The following TMEM26 variants were observed in gnomAD, a reference collection of about 807,000 sequenced individuals.
TMEM26 encodes the protein transmembrane protein 26.
Under a neutral mutation model 28.8 loss-of-function variants are expected in TMEM26, and 38 were observed. That is an observed-to-expected ratio of 1.32 (90% CI 1.02 to 1.73). TMEM26 has a LOEUF of 1.73. Among genes scored for constraint, TMEM26 ranks in the 40% most tolerant of loss-of-function variants. The pLI, the probability that TMEM26 is intolerant of heterozygous loss-of-function variation, is 0.00. For missense variants in TMEM26, 518 were observed against 447.1 expected (o/e 1.16, Z -1.43); for synonymous variants, 227 against 182.9 (o/e 1.24, Z -1.95).
chr10:61,409,351 C>G lies in TMEM26; in HGVS notation c.*971G>C, dbSNP rs12772295. On this transcript the variant is annotated 3_prime_UTR_variant, in exon 6 of 6. Transcript: ENST00000399298. ...TGATGCAACCCTCCATCACCATGTT[C>G]CCTGAGAGCAAAGGCCACTTCCAGT... 3.9e-5 allele frequency: 6 copies of G among 152,214 alleles called. No individual in the cohort carries two copies. Among genetic ancestry groups the G allele is most frequent in the Non-Finnish European group, 8.8e-5 (6 of 68,072 alleles). The allele number at this position is 152,214 out of a possible 1,614,324, so 9.4% of individuals were successfully genotyped here.
At chr10:61,422,819 T>A (rs1839770867) in intron 4 of TMEM26, among the ~76,000 whole-genome samples, 1 of 151,718 alleles carries the variant, frequency 6.6e-6, no homozygotes, top group Admixed American at 6.6e-5. Context: ...AAATTAAACA[T>A]CAGAACAGAA....
intron 1 of TMEM26, among the ~76,000 whole-genome samples, chr10:61,438,604 T>G (rs1414531628): frequency 6.6e-6 from 1 of 152,220 alleles, no homozygotes. Context: ...TAACATCTTC[T>G]ATGCATAACA....
intron 1 of TMEM26, among the ~76,000 whole-genome samples, chr10:61,451,675 A>G (rs1840282970): frequency 6.6e-6 from 1 of 152,178 alleles, no homozygotes; most frequent in African/African-American, 2.4e-5. Flanking sequence ...AGGTGGAGCC[A>G]GGGGTAGTCA....
Position 61,410,048 on chromosome 10 carries a change from T to C in TMEM26, c.*274A>G, listed in dbSNP as rs185473174. 1.9e-3 allele frequency: 825 copies of C among 435,796 alleles called. 4 individuals are homozygous for C. Among genetic ancestry groups the C allele is most frequent in the Non-Finnish European group, 2.8e-3 (691 of 243,726 alleles). 27.0% of individuals were successfully genotyped at this position (435,796 alleles called of 1,614,324 possible). ...GGGCATGTCACTGTAACCTCTTCCA[T>C]AGCTTTTCAAACAGTTCAAGACAAA... On this transcript the variant is annotated 3_prime_UTR_variant, in exon 6 of 6. Transcript: ENST00000399298.
At chr10:61,415,969 GC>G (rs932648389) in intron 4 of TMEM26, 2 of 373,662 alleles carry the variant, frequency 5.4e-6, no homozygotes, top group African/African-American at 4.3e-5. Context: ...ACTTGAGATG[GC>G]CAATTCAGGC....
Position 61,410,699 on chromosome 10 carries a change from T to C in TMEM26, c.730A>G (p.Ser244Gly), listed in dbSNP as rs763701429. ...PVSVTERGFP[S>G]LFFCQYSADL... is the part of the protein sequence containing the mutation. ...GCACTGTACTGGCAAAAGAACAGGC[T>C]GGGGAATCCCCTCTCTGTCACAGAC... The change falls in exon 6 of 6, where the codon AGC becomes GGC. Residue 244 changes from serine to glycine, a missense_variant. By Grantham distance (56) the Ser-to-Gly change is moderately conservative. Transcript: ENST00000399298. The C allele has an allele frequency of 4.3e-6, 7 of 1,614,050 alleles. No individual in the cohort carries two copies. In the Admixed American group the frequency reaches 8.3e-5, roughly 19 times the overall value.
rs1027600856 is a variant in TMEM26, at chr10:61,407,157, T to C, written c.*3165A>G. ...TGGTTAAGAATTATCAAGAATTAAA[T>C]ACCAAACATTATTACATTCAACTCT... On this transcript the variant is annotated 3_prime_UTR_variant, in exon 6 of 6. Coordinates refer to ENST00000399298, the MANE Select transcript of TMEM26 (RefSeq NM_178505.8). 3.3e-5 allele frequency: 5 copies of C among 152,172 alleles called. No homozygotes were observed. The highest frequency in any genetic ancestry group is 4.8e-5 in the African/African-American group (2 of 41,446). The allele number at this position is 152,172 out of a possible 1,614,324, so 9.4% of individuals were successfully genotyped here.
chr10:61,432,439 G>C (rs1450708270), intron 2 of TMEM26, among the ~76,000 whole-genome samples: 2 of 152,032 alleles, frequency 1.3e-5, no homozygotes, highest in African/African-American at 4.8e-5. Context: ...GGTAAAGTAA[G>C]AAAAGGAAAA....
intron 1 of TMEM26, among the ~76,000 whole-genome samples, chr10:61,446,796 C>A (rs374124891): frequency 9.5e-4 from 109 of 114,546 alleles, no homozygotes; most frequent in African/African-American, 3.2e-3. Context: ...TCCAGCCTGG[C>A]GACAGAGCGA....
chr10:61,444,695 C>G (rs1373141526), intron 1 of TMEM26, among the ~76,000 whole-genome samples: 1 of 149,930 alleles, frequency 6.7e-6, no homozygotes, highest in Non-Finnish European at 1.5e-5. Context: ...TTGACCCTTT[C>G]TCTACTACAG....
chr10:61,415,971 C>T (rs1342580616), intron 4 of TMEM26: 2 of 371,018 alleles, frequency 5.4e-6, no homozygotes, highest in African/African-American at 4.3e-5. Flanking sequence ...TTGAGATGGC[C>T]AATTCAGGCT....
At chr10:61,426,131 T>C (rs747210362) in intron 4 of TMEM26, among the ~76,000 whole-genome samples, 5 of 152,060 alleles carry the variant, frequency 3.3e-5, no homozygotes, top group Non-Finnish European at 7.4e-5. Context: ...TGAAACAACA[T>C]GGATGAATCC....
rs746007656 is a variant in TMEM26 at position 61,413,509 on chromosome 10, A to T, written c.632T>A (p.Ile211Asn). ...VRNSPALVYA[I>N]LVIWTWSMLQ... ...CATGCTCCAAGTCCATATAACAAGG[A>T]TGGCATAGACTAGTGCAGGACTATT... The change falls in exon 5 of 6, where the codon ATC becomes AAC. Residue 211 changes from isoleucine to asparagine, a missense_variant. Coordinates refer to ENST00000399298, the MANE Select transcript of TMEM26 (RefSeq NM_178505.8). 82 of 1,612,952 alleles carry T rather than the reference A, an allele frequency of 5.1e-5. No homozygotes were observed. The highest frequency in any genetic ancestry group is 6.7e-5 in the Admixed American group (4 of 59,916).
intron 1 of TMEM26, among the ~76,000 whole-genome samples, chr10:61,437,279 G>T (rs1438366796): frequency 6.6e-6 from 1 of 152,088 alleles, no homozygotes; most frequent in Non-Finnish European, 1.5e-5. Flanking sequence ...TTTGGGGTTA[G>T]GACTTCAGTC....
intron 1 of TMEM26, among the ~76,000 whole-genome samples, chr10:61,445,229 A>AT (rs1359273554): frequency 6.6e-5 from 10 of 152,206 alleles, no homozygotes; most frequent in Non-Finnish European, 1.2e-4. Context: ...CATCACTAGT[A>AT]TTAAGAGACT....
chr10:61,429,562 C>T (rs985832311), intron 3 of TMEM26, among the ~76,000 whole-genome samples: 2 of 151,912 alleles, frequency 1.3e-5, no homozygotes, highest in Non-Finnish European at 2.9e-5. Context: ...TCTGAATGTA[C>T]TAATCTTGAA....
chr10:61,423,205 T>TA (rs1232410218), intron 4 of TMEM26, among the ~76,000 whole-genome samples: 9 of 152,246 alleles, frequency 5.9e-5, no homozygotes, highest in African/African-American at 1.4e-4. Context: ...ATTGATAATT[T>TA]AAAAAATCTT....
At chr10:61,433,683 T>A (rs1260077532) in intron 2 of TMEM26, among the ~76,000 whole-genome samples, 1 of 152,118 alleles carries the variant, frequency 6.6e-6, no homozygotes, top group African/African-American at 2.4e-5. Context: ...GTTTTCCTAA[T>A]GCCAAGTCAT....
At position 61,423,377 on chromosome 10, in the gene TMEM26, T is replaced by C. The variant is rs77546215; in HGVS notation, c.605+5549A>G. Among the ~76,000 whole-genome samples the C allele has an allele frequency of 6.5e-3, 997 of 152,232 alleles. 31 individuals are homozygous for C. The highest frequency in any genetic ancestry group is 0.062 in the East Asian group (322 of 5,186). ...GCATTACCAAAGACAGAAAAAGATATCATTAGAAAATAATACTACAGATCA... is the reference window on the plus strand; with the variant it reads ...GCATTACCAAAGACAGAAAAAGATACCATTAGAAAATAATACTACAGATCA... On this transcript the variant is annotated intron_variant, in intron 4 of 5. Transcript: ENST00000399298.
Sources: gnomAD v4.1 joint callset for allele counts (sites outside exome capture counted in the v4.1 genomes callset) on GRCh38, gnomAD v4.1.1 for gene constraint, MANE v1.5 for transcripts, NCBI Gene and HGNC (gene_info 2026-07-23, HGNC 2026-07-21) for gene names.